ST8SIA5: variants seen among roughly 807,000 people sequenced by gnomAD.
The protein encoded by ST8SIA5 is alpha-2,8-sialyltransferase 8E.
In ST8SIA5, 24 loss-of-function variants were observed where a neutral mutation model predicts 40.2. That is an observed-to-expected ratio of 0.60 (90% CI 0.43 to 0.84). ST8SIA5 has a LOEUF of 0.84. Ranked by LOEUF, ST8SIA5 falls within the 40% of genes least tolerant of loss-of-function variation. The pLI, the probability that ST8SIA5 is intolerant of heterozygous loss-of-function variation, is 0.00. For missense variants in ST8SIA5, 465 were observed against 498.5 expected, an observed-to-expected ratio of 0.93 and a Z score of 0.64; for synonymous variants, 198 against 201.8, an observed-to-expected ratio of 0.98 and a Z score of 0.16.
chr18:46,733,687 G>A (rs2040006597), intron 1 of ST8SIA5, among the ~76,000 whole-genome samples: 1 of 152,174 alleles, frequency 6.6e-6, no homozygotes, highest in Non-Finnish European at 1.5e-5. Context: ...TCTGGGAAGG[G>A]GACATGTGAG....
chr18:46,749,687 C>T (rs369694775), intron 1 of ST8SIA5, among the ~76,000 whole-genome samples: 13 of 152,112 alleles, frequency 8.5e-5, no homozygotes, highest in South Asian at 2.1e-4. Context: ...ATAATTTGTA[C>T]GATAATAAAC....
At position 46,673,695 on chromosome 18, in the gene ST8SIA5, G is replaced by A. The variant is rs2039322573; in HGVS notation, c.*6347C>T. 1 of 151,884 alleles carries A rather than the reference G, an allele frequency of 6.6e-6. No individual in the cohort carries two copies. Among genetic ancestry groups the A allele is most frequent in the African/African-American group, 2.4e-5 (1 of 41,330 alleles). 9.4% of individuals were successfully genotyped at this position (151,884 alleles called of 1,614,324 possible). A position where few individuals can be genotyped will look rare whatever the true frequency, so the allele number is the denominator to read the frequency against. On this transcript the variant is annotated 3_prime_UTR_variant, in exon 7 of 7. Coordinates refer to ENST00000315087, the MANE Select transcript of ST8SIA5 (RefSeq NM_013305.6). ...ATCTATACTGTAGATCTATACTGTA[G>A]GTCTATCCAGTCTACCCTTTGAAGA... is the stretch of plus-strand genomic sequence containing the variant.
At chr18:46,710,507 CCTTCT>C in intron 1 of ST8SIA5, among the ~76,000 whole-genome samples, 1 of 146,514 alleles carries the variant, frequency 6.8e-6, no homozygotes, top group South Asian at 2.2e-4. Context: ...CCTTCCCTTC[CCTTCT>C]CCTTCCTTCC....
At chr18:46,696,973 G>T (rs1394379305) in intron 2 of ST8SIA5, among the ~76,000 whole-genome samples, 2 of 152,002 alleles carry the variant, frequency 1.3e-5, no homozygotes, top group African/African-American at 4.8e-5. Flanking sequence ...TGGGGAGGGA[G>T]CATGGCCCTA....
chr18:46,740,519 T>G (rs1186086060), intron 1 of ST8SIA5, among the ~76,000 whole-genome samples: 1 of 151,684 alleles, frequency 6.6e-6, no homozygotes, highest in Non-Finnish European at 1.5e-5. Context: ...ATGAAAGACA[T>G]GCAAATTTAA....
chr18:46,747,470 A>G (rs546055192), intron 1 of ST8SIA5, among the ~76,000 whole-genome samples: 150 of 152,368 alleles, frequency 9.8e-4, no homozygotes, highest in African/African-American at 3.4e-3. Context: ...ACATGAAAAA[A>G]TGCTCATCAT....
In ST8SIA5 at chr18:46,675,852, C is replaced by A. The variant is rs190405873; in HGVS notation, c.*4190G>T. 1 of 151,882 alleles carries A rather than the reference C, an allele frequency of 6.6e-6. No individual in the cohort carries two copies. Among genetic ancestry groups the A allele is most frequent in the East Asian group, 1.9e-4 (1 of 5,146 alleles). The allele number at this position is 151,882 out of a possible 1,614,324, so 9.4% of individuals were successfully genotyped here. A position where few individuals can be genotyped will look rare whatever the true frequency, so the allele number is the denominator to read the frequency against. Reference sequence around the variant, plus strand: ...ATTGCTTGAGCTCAGGAGTTCGAGACTAGCCTCGTCAACATAGCAAAACCC... The same window carrying A: ...ATTGCTTGAGCTCAGGAGTTCGAGAATAGCCTCGTCAACATAGCAAAACCC... On this transcript the variant is annotated 3_prime_UTR_variant, in exon 7 of 7. Coordinates refer to ENST00000315087, the MANE Select transcript of ST8SIA5 (RefSeq NM_013305.6).
intron 1 of ST8SIA5, among the ~76,000 whole-genome samples, chr18:46,711,407 G>A (rs2039730728): frequency 6.6e-6 from 1 of 152,190 alleles, no homozygotes. Flanking sequence ...AGGTCATTCA[G>A]CTAGTAAATG....
In ST8SIA5 at chr18:46,732,421, G is replaced by T. The variant is rs115864900; in HGVS notation, c.131+23957C>A. ...TCAGTTGCACCCAGCACACATTGGG[G>T]TCTTCCCATATTGGGGTGCTGGGTC... On this transcript the variant is annotated intron_variant, in intron 1 of 6. Coordinates refer to ENST00000315087, the MANE Select transcript of ST8SIA5 (RefSeq NM_013305.6). Among the ~76,000 whole-genome samples the T allele has an allele frequency of 9.4e-3, 1,437 of 152,278 alleles. 20 individuals are homozygous for T. Among genetic ancestry groups the T allele is most frequent in the African/African-American group, 0.029 (1,189 of 41,546 alleles).
Position 46,679,767 on chromosome 18 carries a change from G to C in ST8SIA5, c.*275C>G. 1 of 483,992 alleles carries C rather than the reference G, an allele frequency of 2.1e-6. No individual in the cohort carries two copies. The allele number at this position is 483,992 out of a possible 1,614,324, so 30.0% of individuals were successfully genotyped here. ...TGCCGTCCCCAGGGCCCCTGATCTT[G>C]GGGTGTGGCCCAGCAGCATGCTAGC... On this transcript the variant is annotated 3_prime_UTR_variant, in exon 7 of 7. Transcript: ENST00000315087.
At chr18:46,710,111 G>T (rs2039707947) in intron 1 of ST8SIA5, among the ~76,000 whole-genome samples, 1 of 152,170 alleles carries the variant, frequency 6.6e-6, no homozygotes, top group Non-Finnish European at 1.5e-5. Context: ...GTCCCAGCGG[G>T]TGATATCAGG....
At chr18:46,714,704 T>C (rs2144517385) in intron 1 of ST8SIA5, among the ~76,000 whole-genome samples, 1 of 152,208 alleles carries the variant, frequency 6.6e-6, no homozygotes, top group African/African-American at 2.4e-5. Context: ...ACCCCCTCAC[T>C]CCACCTCCAC....
At chr18:46,703,224 C>T (rs1403262734) in intron 2 of ST8SIA5, among the ~76,000 whole-genome samples, 4 of 152,214 alleles carry the variant, frequency 2.6e-5, no homozygotes, top group Admixed American at 6.5e-5. Flanking sequence ...CGGCTCACTG[C>T]AAGCTCCACC....
chr18:46,704,680 GAC>G lies in ST8SIA5; in HGVS notation c.132-18_132-17del. On this transcript the variant is annotated splice_polypyrimidine_tract_variant and intron_variant, in intron 1 of 6. Transcript: ENST00000315087. ...TTCAAAGTACCTGGGGACCAACAGAGACAGGTTAAACAGAGAAGCAGGTCAGG... is the reference window on the plus strand; with the variant it reads ...TTCAAAGTACCTGGGGACCAACAGAGAGGTTAAACAGAGAAGCAGGTCAGG... 1 of 1,607,360 alleles carries G rather than the reference GAC, an allele frequency of 6.2e-7. No individual in the cohort carries two copies. The highest frequency in any genetic ancestry group is 8.5e-7 in the Non-Finnish European group (1 of 1,173,742).
At position 46,754,581 on chromosome 18, in the gene ST8SIA5, G is replaced by A. The variant is rs983935520; in HGVS notation, c.131+1797C>T. 1.6e-4 allele frequency among the ~76,000 whole-genome samples: 25 copies of A among 152,318 alleles called. 1 individual carries two copies. Among genetic ancestry groups the A allele is most frequent in the African/African-American group, 6.0e-4 (25 of 41,568 alleles). On this transcript the variant is annotated intron_variant, in intron 1 of 6. Coordinates refer to ENST00000315087, the MANE Select transcript of ST8SIA5 (RefSeq NM_013305.6). ...TGGTTGATTGGGTTGAGTCTCTAGA[G>A]TGAGGCCTGCAAGATAGCATCTATG...
chr18:46,733,731 A>G (rs2040007089), intron 1 of ST8SIA5, among the ~76,000 whole-genome samples: 1 of 152,176 alleles, frequency 6.6e-6, no homozygotes. Flanking sequence ...GGGCCAGCCC[A>G]GGTGGATGCG....
chr18:46,737,876 T>A (rs1432050257), intron 1 of ST8SIA5, among the ~76,000 whole-genome samples: 1 of 152,096 alleles, frequency 6.6e-6, no homozygotes, highest in Non-Finnish European at 1.5e-5. Context: ...GTTCAAGCGA[T>A]TCTCCTGCCT....
At chr18:46,735,008 A>C (rs544233692) in intron 1 of ST8SIA5, among the ~76,000 whole-genome samples, 1 of 152,372 alleles carries the variant, frequency 6.6e-6, no homozygotes, top group Admixed American at 6.5e-5. Context: ...TAATGTGGGT[A>C]GGCACCATCT....
intron 1 of ST8SIA5, among the ~76,000 whole-genome samples, chr18:46,751,132 C>T (rs898845276): frequency 3.9e-5 from 6 of 152,222 alleles, no homozygotes; most frequent in South Asian, 2.1e-4. Context: ...AAAGATGACT[C>T]CCCATCCCAC....
Sources: gnomAD v4.1 joint callset for allele counts (sites outside exome capture counted in the v4.1 genomes callset) on GRCh38, gnomAD v4.1.1 for gene constraint, MANE v1.5 for transcripts, NCBI Gene and HGNC (gene_info 2026-07-23, HGNC 2026-07-21) for gene names.